Variants in CPSF2 observed in about 807,000 individuals in gnomAD.
CPSF2 encodes the protein cleavage and polyadenylation specificity factor subunit 2.
CPSF2 carries 51 observed loss-of-function variants against 84.2 expected under a neutral mutation model. The observed-to-expected ratio is 0.61, with a 90% CI of 0.48 to 0.77. The LOEUF (loss-of-function observed/expected upper bound fraction) is 0.77. CPSF2 is among the 30% of genes least tolerant of loss of function. The probability of loss-of-function intolerance (pLI) is 0.00; values close to 1 mark genes in which losing one functional copy is unlikely to be tolerated. For missense variants in CPSF2, 641 were observed against 929.4 expected, an observed-to-expected ratio of 0.69 and a Z score of 4.03; for synonymous variants, 286 against 311.9, an observed-to-expected ratio of 0.92 and a Z score of 0.87.
chr14:92,150,188 C>T (rs2069195373), intron 9 of CPSF2, among the ~76,000 whole-genome samples: 1 of 151,248 alleles, frequency 6.6e-6, no homozygotes, highest in Non-Finnish European at 1.5e-5. Context: ...GCGCTCGGCT[C>T]ACTGCAACCT....
At chr14:92,158,946 TG>T in intron 13 of CPSF2, 36 bp from the exon 14 acceptor site, 2 of 1,509,114 alleles carry the variant, frequency 1.3e-6, no homozygotes, top group East Asian at 4.5e-5. Context: ...ATGTATTCTG[TG>T]GGTTTTATTT....
At chr14:92,123,881 T>G (rs1338886994) in intron 1 of CPSF2, among the ~76,000 whole-genome samples, 41 of 152,254 alleles carry the variant, frequency 2.7e-4, no homozygotes, top group Admixed American at 2.6e-3. Flanking sequence ...TGATCACTTT[T>G]ACTCCTCTAT....
At position 92,157,603 on chromosome 14, in the gene CPSF2, CA is replaced by C; in HGVS notation, c.1596-55del. On this transcript the variant is annotated intron_variant, in intron 12 of 15. Transcript: ENST00000298875. The surrounding 1 kb of genome is among the most constrained non-coding windows in gnomAD (Gnocchi z 4.0). Reference sequence around the variant, plus strand: ...TATATATTGTATACATGATAAAAGCCATTTTTTTTTAGAATTATGAGAAAAG... The same window carrying C: ...TATATATTGTATACATGATAAAAGCCTTTTTTTTTAGAATTATGAGAAAAG... 2 of 1,298,902 alleles carry C rather than the reference CA, an allele frequency of 1.5e-6. No homozygotes were observed. The highest frequency in any genetic ancestry group is 3.0e-5 in the African/African-American group (2 of 67,126). 80.5% of individuals were successfully genotyped at this position (1,298,902 alleles called of 1,614,324 possible). A position where few individuals can be genotyped will look rare whatever the true frequency, so the allele number is the denominator to read the frequency against.
rs1285167935 is a variant in CPSF2, at chr14:92,162,497, C to T, written c.*753C>T. 3 of 152,208 alleles carry T rather than the reference C, an allele frequency of 2.0e-5. No individual in the cohort carries two copies. Among genetic ancestry groups the T allele is most frequent in the Non-Finnish European group, 2.9e-5 (2 of 68,020 alleles). 9.4% of individuals were successfully genotyped at this position (152,208 alleles called of 1,614,324 possible). On this transcript the variant is annotated 3_prime_UTR_variant, in exon 16 of 16. Transcript: ENST00000298875. ...GCATACATTTTAGAAACATCTTAGC[C>T]GTAAGTTAGGTCCTGTGTTAAACTG...
chr14:92,135,854 T>TG (rs1262021800), intron 6 of CPSF2, among the ~76,000 whole-genome samples: 1 of 152,248 alleles, frequency 6.6e-6, no homozygotes, highest in Admixed American at 6.5e-5. Flanking sequence ...TGATATGGTT[T>TG]GGCTCTGTGT....
At chr14:92,142,130 C>A in intron 7 of CPSF2, 34 bp from the exon 8 acceptor site, 1 of 1,475,908 alleles carries the variant, frequency 6.8e-7, no homozygotes, top group Non-Finnish European at 9.2e-7. Flanking sequence ...AGTATTGTTA[C>A]GTTCTATGGG....
intron 1 of CPSF2, among the ~76,000 whole-genome samples, chr14:92,122,889 A>G (rs533582391): frequency 9.8e-5 from 13 of 132,700 alleles, no homozygotes; most frequent in Non-Finnish European, 1.6e-4. Context: ...GGGTTTCACT[A>G]TGTTGCCCAG....
chr14:92,169,106 CACAT>C lies in CPSF2; in HGVS notation c.*7365_*7368del, dbSNP rs2069486711. The C allele has an allele frequency of 6.6e-6, 1 of 151,068 alleles. No individual in the cohort carries two copies. Among genetic ancestry groups the C allele is most frequent in the Non-Finnish European group, 1.5e-5 (1 of 67,754 alleles). The allele number at this position is 151,068 out of a possible 1,614,324, so 9.4% of individuals were successfully genotyped here. A position where few individuals can be genotyped will look rare whatever the true frequency, so the allele number is the denominator to read the frequency against. On this transcript the variant is annotated 3_prime_UTR_variant, in exon 16 of 16. Transcript: ENST00000298875. The stretch of plus-strand genomic sequence containing the variant: ...TTGTTATGTTAAAAACAAAAAGAAG[CACAT>C]ACTGTACAGTCAAAACTATCAGACG...
At chr14:92,129,724 T>A (rs1238124364) in intron 2 of CPSF2, among the ~76,000 whole-genome samples, 2 of 152,140 alleles carry the variant, frequency 1.3e-5, no homozygotes, top group Admixed American at 6.5e-5. Flanking sequence ...TATTTTATTT[T>A]ATTTATTTTT....
Position 92,162,474 on chromosome 14 carries a change from A to C in CPSF2, c.*730A>C, listed in dbSNP as rs551530374. 19 of 152,540 alleles carry C rather than the reference A, an allele frequency of 1.2e-4. No individual in the cohort carries two copies. The South Asian group carries it at 3.9e-3, about 32-fold the overall frequency. 9.4% of individuals were successfully genotyped at this position (152,540 alleles called of 1,614,324 possible). A position where few individuals can be genotyped will look rare whatever the true frequency, so the allele number is the denominator to read the frequency against. ...TGCAGTATAGTCTTAAGGGTTCTGC[A>C]TACATTTTAGAAACATCTTAGCCGT... is the stretch of plus-strand genomic sequence containing the variant. On this transcript the variant is annotated 3_prime_UTR_variant, in exon 16 of 16. Transcript: ENST00000298875.
chr14:92,161,135 T>A lies in CPSF2; in HGVS notation c.2145T>A (p.Phe715Leu). Residue 715 changes from phenylalanine (F) to leucine (L), a missense_variant, in exon 15 of 16, where the codon TTT becomes TTA. Physicochemically the swap from Phe to Leu is conservative, Grantham distance 22. This residue lies in a region of CPSF2 where 430 missense variants were observed against 553.6 expected (regional missense o/e 0.78). Transcript: ENST00000298875. Reference sequence around the variant, plus strand: ...AGGTTCCTGGACATCAGTCAGTTTTTATGAATGAACCAAGGCTGTCAGACT... The same window carrying A: ...AGGTTCCTGGACATCAGTCAGTTTTAATGAATGAACCAAGGCTGTCAGACT... ...PHEVPGHQSV[F>L]MNEPRLSDFK... 6.2e-7 allele frequency: 1 copy of A among 1,613,758 alleles called. No homozygotes were observed. The highest frequency in any genetic ancestry group is 8.5e-7 in the Non-Finnish European group (1 of 1,179,898).
chr14:92,154,980 T>C (rs2069269742), intron 10 of CPSF2, 143 bp from the exon 11 acceptor site: 1 of 609,970 alleles, frequency 1.6e-6, no homozygotes, highest in African/African-American at 1.8e-5. Flanking sequence ...ATGTGGTCTA[T>C]TGTTGTTGAC....
chr14:92,135,143 A>G (rs1379920297), intron 5 of CPSF2, among the ~76,000 whole-genome samples: 3 of 152,204 alleles, frequency 2.0e-5, no homozygotes, highest in Admixed American at 2.0e-4. Flanking sequence ...AAATAACTCT[A>G]CAAGATTACA....
At chr14:92,146,532 AAAAAC>A (rs2069146759) in intron 9 of CPSF2, among the ~76,000 whole-genome samples, 2 of 152,184 alleles carry the variant, frequency 1.3e-5, no homozygotes, top group African/African-American at 4.8e-5. Context: ...AAAAACAAAC[AAAAAC>A]ACATACAGTT....
At chr14:92,129,164 A>G (rs959814476) in intron 2 of CPSF2, among the ~76,000 whole-genome samples, 4 of 152,190 alleles carry the variant, frequency 2.6e-5, no homozygotes, top group African/African-American at 9.7e-5. Flanking sequence ...TTAAAACAAC[A>G]ACAACAAAAA....
intron 2 of CPSF2, among the ~76,000 whole-genome samples, chr14:92,127,642 G>C (rs1220873660): frequency 6.6e-6 from 1 of 152,170 alleles, no homozygotes; most frequent in Non-Finnish European, 1.5e-5. Flanking sequence ...GGAAATTCTA[G>C]AGTATTTTTA....
intron 9 of CPSF2, among the ~76,000 whole-genome samples, chr14:92,148,807 A>G (rs886193628): frequency 1.5e-4 from 23 of 151,004 alleles, no homozygotes; most frequent in African/African-American, 5.6e-4. Flanking sequence ...GTATATATAT[A>G]TATGTAGAGA....
chr14:92,132,280 A>G lies in CPSF2; in HGVS notation c.149+1147A>G, dbSNP rs777752029. Among the ~76,000 whole-genome samples, 187 of 151,766 alleles carry G rather than the reference A, an allele frequency of 1.2e-3. 1 individual carries two copies. The Middle Eastern group carries it at 0.017, about 14-fold the overall frequency. On this transcript the variant is annotated intron_variant, in intron 3 of 15. Transcript: ENST00000298875. ...CTCCCAAGTAGCTGAGATTACAGGC[A>G]TGCACCACCCGGCCGGCTAAGTTTT...
At chr14:92,128,807 A>G (rs2068877387) in intron 2 of CPSF2, among the ~76,000 whole-genome samples, 1 of 152,180 alleles carries the variant, frequency 6.6e-6, no homozygotes, top group Non-Finnish European at 1.5e-5. Context: ...TGAAATTTTG[A>G]AAGTAGAACA....
Sources: allele counts gnomAD v4.1 joint callset (sites outside exome capture counted in the v4.1 genomes callset), GRCh38; gene constraint gnomAD v4.1.1; regional missense constraint gnomAD v4.1.1; non-coding constraint Gnocchi (gnomAD v3.1); transcripts MANE v1.5; gene names NCBI Gene and HGNC (gene_info 2026-07-23, HGNC 2026-07-21).